The following ESRRB variants were observed in gnomAD, a reference collection of about 807,000 sequenced individuals.
ESRRB encodes the protein steroid hormone receptor ERR2.
ESRRB carries 16 observed loss-of-function variants against 46.0 expected under a neutral mutation model. That is an observed-to-expected ratio of 0.35 (90% CI 0.24 to 0.53). The LOEUF is 0.53. ESRRB is among the 20% of genes least tolerant of loss of function. The pLI, the probability that ESRRB is intolerant of heterozygous loss-of-function variation, is 0.93. For synonymous variants in ESRRB, 246 were observed against 259.6 expected (o/e 0.95, Z 0.50); for missense variants, 488 against 607.4 (o/e 0.80, Z 2.07).
intron 1 of ESRRB, among the ~76,000 whole-genome samples, chr14:76,419,879 C>T (rs1886867605): frequency 6.6e-6 from 1 of 152,114 alleles, no homozygotes. Flanking sequence ...AGGGGGCAGG[C>T]AGCTCTGGGG....
chr14:76,317,772 C>T (rs1228251804), intron 1 of ESRRB, among the ~76,000 whole-genome samples: 1 of 152,096 alleles, frequency 6.6e-6, no homozygotes, highest in Non-Finnish European at 1.5e-5. Context: ...TTCAGGACCA[C>T]AGTTTCCTTA....
intron 1 of ESRRB, among the ~76,000 whole-genome samples, chr14:76,366,328 A>G (rs1036734809): frequency 6.6e-6 from 1 of 152,222 alleles, no homozygotes; most frequent in African/African-American, 2.4e-5. Flanking sequence ...CAACACGAAC[A>G]CACAAATACA....
chr14:76,315,942 T>C (rs11624232), intron 1 of ESRRB, among the ~76,000 whole-genome samples: 122,698 of 152,160 alleles, frequency 0.81, 49,622 homozygotes, highest in South Asian at 0.86. Context: ...AGAATTTTCT[T>C]AAGTTTCTTG....
chr14:76,426,881 AAC>A (rs1887225415), intron 1 of ESRRB, among the ~76,000 whole-genome samples: 3 of 152,136 alleles, frequency 2.0e-5, no homozygotes, highest in African/African-American at 7.2e-5. Context: ...AAAACAAACA[AAC>A]AAAAAAATTG....
At position 76,439,667 on chromosome 14, in the gene ESRRB, T is replaced by C. The variant is rs1364485511; in HGVS notation, c.377T>C (p.Val126Ala). The C allele has an allele frequency of 6.2e-7, 1 of 1,614,248 alleles. No homozygotes were observed. Among genetic ancestry groups the C allele is most frequent in the South Asian group, 1.1e-5 (1 of 91,092 alleles). The change falls in exon 2 of 7, where the codon GTG becomes GCG. Residue 126 changes from valine (V) to alanine (A), a missense_variant. Val to Ala is a moderately conservative substitution (Grantham distance 64, BLOSUM62 0). Coordinates refer to ENST00000644823, the MANE Select transcript of ESRRB (RefSeq NM_001379180.1). ...GCCATCCCCAAGCGCCTGTGCCTCGTGTGCGGGGACATTGCCTCTGGCTAC... is the reference window on the plus strand; with the variant it reads ...GCCATCCCCAAGCGCCTGTGCCTCGCGTGCGGGGACATTGCCTCTGGCTAC... ...LNAIPKRLCL[V>A]CGDIASGYHY... is the part of the protein sequence containing the mutation.
chr14:76,402,889 C>T (rs1036896817), intron 1 of ESRRB, among the ~76,000 whole-genome samples: 8 of 152,074 alleles, frequency 5.3e-5, no homozygotes, highest in African/African-American at 1.9e-4. Context: ...GGGTCTTGCT[C>T]TGTCACCTAG....
At chr14:76,430,088 C>A (rs944566293) in intron 1 of ESRRB, among the ~76,000 whole-genome samples, 7 of 152,066 alleles carry the variant, frequency 4.6e-5, no homozygotes, top group African/African-American at 1.7e-4. Flanking sequence ...AAAACTGGAA[C>A]CTTGACAGTA....
intron 1 of ESRRB, among the ~76,000 whole-genome samples, chr14:76,400,377 T>C (rs894152324): frequency 6.6e-6 from 1 of 152,184 alleles, no homozygotes; most frequent in African/African-American, 2.4e-5. Context: ...TGGACTTCCA[T>C]CTGAAGACCG....
chr14:76,449,531 C>T (rs896900433), intron 2 of ESRRB, among the ~76,000 whole-genome samples: 4 of 151,200 alleles, frequency 2.6e-5, no homozygotes, highest in South Asian at 2.1e-4. Context: ...GCCTGGGTGA[C>T]GGAGCAAGAC....
chr14:76,379,022 GA>G (rs1311224541), intron 1 of ESRRB, among the ~76,000 whole-genome samples: 7 of 152,252 alleles, frequency 4.6e-5, no homozygotes, highest in African/African-American at 1.7e-4. Context: ...GTTGAGGGAG[GA>G]GGAACTCTCT....
chr14:76,315,498 G>A (rs9652375), intron 1 of ESRRB, among the ~76,000 whole-genome samples: 2 of 152,078 alleles, frequency 1.3e-5, no homozygotes, highest in East Asian at 1.9e-4. Context: ...CTTGAGTTAC[G>A]AAACCCCTCA....
intron 1 of ESRRB, among the ~76,000 whole-genome samples, chr14:76,385,099 G>A (rs1885168304): frequency 1.3e-5 from 2 of 151,770 alleles, no homozygotes; most frequent in Non-Finnish European, 2.9e-5. Flanking sequence ...ATGTATCGTG[G>A]AACGAAGAAG....
At chr14:76,411,799 A>C (rs1480758978) in intron 1 of ESRRB, among the ~76,000 whole-genome samples, 1 of 152,192 alleles carries the variant, frequency 6.6e-6, no homozygotes, top group Non-Finnish European at 1.5e-5. Flanking sequence ...CTAGCTAGAG[A>C]AGCTTTCGTA....
intron 3 of ESRRB, among the ~76,000 whole-genome samples, chr14:76,478,129 A>G (rs927521361): frequency 4.6e-5 from 7 of 152,146 alleles, no homozygotes; most frequent in African/African-American, 1.7e-4. Flanking sequence ...TAATAATCCC[A>G]TTTTCTAAGC....
intron 2 of ESRRB, among the ~76,000 whole-genome samples, chr14:76,449,358 C>T (rs1346471275): frequency 6.6e-6 from 1 of 151,972 alleles, no homozygotes; most frequent in Non-Finnish European, 1.5e-5. Flanking sequence ...TGAAGACCAG[C>T]TGGCCAACAT....
rs539151822 is a variant in ESRRB, at chr14:76,466,038, T to C, written c.577+3377T>C. Among the ~76,000 whole-genome samples the C allele has an allele frequency of 1.1e-4, 16 of 152,326 alleles. No individual in the cohort carries two copies. The South Asian group carries it at 2.1e-3, about 20-fold the overall frequency. On this transcript the variant is annotated intron_variant, in intron 3 of 6. Transcript: ENST00000644823. ...TTTGTTTGGGTGTCCCTCCTGGCTC[T>C]GCAGGCAAGGCCCAGGCCCCCCAAG...
intron 1 of ESRRB, among the ~76,000 whole-genome samples, chr14:76,422,301 C>A (rs958651349): frequency 7.9e-5 from 12 of 151,270 alleles, no homozygotes; most frequent in Non-Finnish European, 1.3e-4. Context: ...ACCTCCGCCT[C>A]CCGGGTTCAA....
At position 76,501,032 on chromosome 14, in the gene ESRRB, C is replaced by A. The variant is rs8017684; in HGVS notation, c.*2574C>A. On this transcript the variant is annotated 3_prime_UTR_variant, in exon 7 of 7. Transcript: ENST00000644823. ...ATCCTGGCCAGATGAGGACCCTCTC[C>A]GGGGAAGGGAGAGGACTGACTTAGT... The A allele has an allele frequency of 0.018, 8,411 of 461,774 alleles. 601 individuals are homozygous for A. Among genetic ancestry groups the A allele is most frequent in the African/African-American group, 0.15 (7,711 of 51,060 alleles). The allele number at this position is 461,774 out of a possible 1,614,324, so 28.6% of individuals were successfully genotyped here. A position where few individuals can be genotyped will look rare whatever the true frequency, so the allele number is the denominator to read the frequency against.
chr14:76,394,837 G>A (rs1028150807), intron 1 of ESRRB, among the ~76,000 whole-genome samples: 1 of 152,224 alleles, frequency 6.6e-6, no homozygotes, highest in Non-Finnish European at 1.5e-5. Context: ...TGGGCAGGGC[G>A]AGGAGACTGC....
Sources: gnomAD v4.1 joint callset for allele counts (sites outside exome capture counted in the v4.1 genomes callset) on GRCh38, gnomAD v4.1.1 for gene constraint, MANE v1.5 for transcripts, NCBI Gene and HGNC (gene_info 2026-07-23, HGNC 2026-07-21) for gene names.